The following PRELID2 variants were observed in gnomAD, a reference collection of about 807,000 sequenced individuals.
PRELID2 encodes the protein PRELI domain containing 2.
PRELID2 carries 25 observed loss-of-function variants against 28.4 expected under a neutral mutation model. That is an observed-to-expected ratio of 0.88 (90% confidence interval 0.64 to 1.23). PRELID2 has a LOEUF of 1.23. PRELID2 is among the 50% of genes most tolerant of loss of function. The pLI, the probability that PRELID2 is intolerant of heterozygous loss-of-function variation, is 0.00. For synonymous variants in PRELID2, 76 were observed against 71.6 expected (o/e 1.06, Z -0.31); for missense variants, 201 against 214.4 (o/e 0.94, Z 0.39).
At chr5:145,343,217 T>C in the PRELID2 span, among the ~76,000 whole-genome samples, 5 of 152,088 alleles carry the variant, frequency 3.3e-5, no homozygotes, top group African/African-American at 9.6e-5. Flanking sequence ...CTGCAGAGTA[T>C]ATATTCTTTT....
chr5:145,315,059 T>C, the PRELID2 span, among the ~76,000 whole-genome samples: 1 of 148,302 alleles, frequency 6.7e-6, no homozygotes, highest in African/African-American at 2.5e-5. Flanking sequence ...TACTCTACAA[T>C]AATTCTTTTT....
intron 1 of PRELID2, among the ~76,000 whole-genome samples, chr5:145,504,113 C>T (rs549600233): frequency 6.6e-6 from 1 of 152,266 alleles, no homozygotes; most frequent in South Asian, 2.1e-4. Context: ...AAGTGCTAGA[C>T]TATAATGCCA....
intron 1 of PRELID2, among the ~76,000 whole-genome samples, chr5:145,608,223 T>C (rs76627422): frequency 0.033 from 5,002 of 152,242 alleles, 172 homozygotes; most frequent in African/African-American, 0.079. Context: ...ACTCTGTGCC[T>C]TTTAATTGCT....
At chr5:145,559,763 A>T (rs1752910757) in intron 1 of PRELID2, among the ~76,000 whole-genome samples, 1 of 151,958 alleles carries the variant, frequency 6.6e-6, no homozygotes, top group South Asian at 2.1e-4. Flanking sequence ...AAAACCAAGC[A>T]GTCAATGTGG....
chr5:145,490,827 C>A (rs1449913587), intron 1 of PRELID2, among the ~76,000 whole-genome samples: 1 of 152,146 alleles, frequency 6.6e-6, no homozygotes, highest in Non-Finnish European at 1.5e-5. Context: ...CACGAATTCT[C>A]CATGACAACG....
At chr5:145,245,294 T>A in the PRELID2 span, among the ~76,000 whole-genome samples, 22 of 152,228 alleles carry the variant, frequency 1.4e-4, no homozygotes, top group African/African-American at 5.1e-4. Context: ...AATAAATTTG[T>A]ATTTCAGAAA....
At chr5:145,317,069 T>C in the PRELID2 span, among the ~76,000 whole-genome samples, 1 of 152,174 alleles carries the variant, frequency 6.6e-6, no homozygotes, top group East Asian at 1.9e-4. Context: ...GGAAGACAAG[T>C]GCTTTAATTG....
At chr5:145,396,487 T>TAAAAAAAA in the PRELID2 span, among the ~76,000 whole-genome samples, 1 of 128,954 alleles carries the variant, frequency 7.8e-6, no homozygotes, top group Non-Finnish European at 1.7e-5. Flanking sequence ...TCACAGATTG[T>TAAAAAAAA]AAAAAAAAAA....
At chr5:145,606,312 C>T (rs946239562) in intron 1 of PRELID2, among the ~76,000 whole-genome samples, 1 of 151,952 alleles carries the variant, frequency 6.6e-6, no homozygotes, top group Non-Finnish European at 1.5e-5. Flanking sequence ...ATGTTGAATA[C>T]AAGTGGTGAG....
At chr5:145,576,293 C>T (rs1753059619) in intron 1 of PRELID2, among the ~76,000 whole-genome samples, 1 of 152,068 alleles carries the variant, frequency 6.6e-6, no homozygotes, top group Admixed American at 6.6e-5. Flanking sequence ...CACTCTAGTC[C>T]CTGCTAACCA....
At chr5:145,460,491 T>C in the PRELID2 span, among the ~76,000 whole-genome samples, 12 of 152,352 alleles carry the variant, frequency 7.9e-5, no homozygotes, top group East Asian at 1.9e-4. Context: ...TGACTTTCTT[T>C]TCCTAACATA....
At chr5:145,661,911 G>C (rs1404218859) in intron 1 of PRELID2, among the ~76,000 whole-genome samples, 1 of 152,112 alleles carries the variant, frequency 6.6e-6, no homozygotes, top group African/African-American at 2.4e-5. Flanking sequence ...AAACATCTCA[G>C]AACAGTGTAA....
chr5:145,683,890 G>A (rs1337925290), intron 1 of PRELID2, among the ~76,000 whole-genome samples: 1 of 152,090 alleles, frequency 6.6e-6, no homozygotes, highest in Non-Finnish European at 1.5e-5. Flanking sequence ...GATGCACATT[G>A]CTTATTGGTA....
chr5:145,470,651 T>C (rs898506363), downstream of PRELID2, among the ~76,000 whole-genome samples: 11 of 152,124 alleles, frequency 7.2e-5, no homozygotes, highest in Admixed American at 3.3e-4. Flanking sequence ...AGCTGGGTCA[T>C]GTGAAGATGC....
intron 1 of PRELID2, among the ~76,000 whole-genome samples, chr5:145,558,328 T>G (rs1752898519): frequency 6.6e-6 from 1 of 152,226 alleles, no homozygotes; most frequent in Admixed American, 6.5e-5. Flanking sequence ...ATATGAAACT[T>G]CATTGTTGTT....
chr5:145,412,965 C>T, the PRELID2 span, among the ~76,000 whole-genome samples: 1 of 152,064 alleles, frequency 6.6e-6, no homozygotes, highest in Non-Finnish European at 1.5e-5. Flanking sequence ...ATCATGAGAA[C>T]CGCATGGGGG....
chr5:145,336,391 G>A, the PRELID2 span, among the ~76,000 whole-genome samples: 1 of 151,244 alleles, frequency 6.6e-6, no homozygotes, highest in Non-Finnish European at 1.5e-5. Flanking sequence ...TTCTTCTAGG[G>A]TTTTTATGGT....
chr5:145,531,164 C>A (rs1163186198), intron 1 of PRELID2, among the ~76,000 whole-genome samples: 1 of 152,070 alleles, frequency 6.6e-6, no homozygotes, highest in African/African-American at 2.4e-5. Context: ...GCCTCCATGG[C>A]AATAATACAA....
chr5:145,357,429 T>C, the PRELID2 span, among the ~76,000 whole-genome samples: 2 of 152,232 alleles, frequency 1.3e-5, no homozygotes, highest in Non-Finnish European at 2.9e-5. Context: ...GAAGTTTTAT[T>C]CATTCTTCTT....
Sources: allele counts gnomAD v4.1 joint callset (sites outside exome capture counted in the v4.1 genomes callset), GRCh38; gene constraint gnomAD v4.1.1; transcripts MANE v1.5; gene names NCBI Gene and HGNC (gene_info 2026-07-23, HGNC 2026-07-21).